UNC5C: variants seen among roughly 807,000 people sequenced by gnomAD.
UNC5C encodes netrin receptor UNC5C.
In UNC5C, 47 loss-of-function variants were observed where a neutral mutation model predicts 99.8. The observed-to-expected ratio is 0.47, with a 90% CI of 0.37 to 0.60. The LOEUF (loss-of-function observed/expected upper bound fraction) is 0.60, where lower values mean the gene tolerates loss of function less well. Among genes scored for constraint, UNC5C ranks in the 20% least tolerant of loss-of-function variants. UNC5C has a pLI of 0.00. For synonymous variants in UNC5C, 487 were observed against 452.2 expected, an observed-to-expected ratio of 1.08 and a Z score of -0.98; for missense variants, 1,062 against 1,165.9, an observed-to-expected ratio of 0.91 and a Z score of 1.30.
At chr4:95,426,849 G>A (rs966431127) in intron 1 of UNC5C, among the ~76,000 whole-genome samples, 1 of 152,162 alleles carries the variant, frequency 6.6e-6, no homozygotes. Context: ...TGAGGTTCAC[G>A]GAAAGAAGTC....
chr4:95,272,058 A>AG (rs34285462), intron 4 of UNC5C, among the ~76,000 whole-genome samples: 97,341 of 151,962 alleles, frequency 0.64, 31,492 homozygotes, highest in East Asian at 0.84. Context: ...CTGTCTCTTC[A>AG]ATAGACTTTC....
chr4:95,454,029 CT>C (rs1747359485), intron 1 of UNC5C, among the ~76,000 whole-genome samples: 1 of 152,032 alleles, frequency 6.6e-6, no homozygotes, highest in South Asian at 2.1e-4. Context: ...GGAGTTACTA[CT>C]TAAAGGGTAG....
intron 1 of UNC5C, among the ~76,000 whole-genome samples, chr4:95,426,884 G>A (rs745335854): frequency 2.6e-5 from 4 of 152,238 alleles, no homozygotes; most frequent in Non-Finnish European, 4.4e-5. Context: ...AAAGTGCAAG[G>A]TGAAACAGCA....
chr4:95,384,227 C>T (rs903591715), intron 1 of UNC5C, among the ~76,000 whole-genome samples: 7 of 152,114 alleles, frequency 4.6e-5, no homozygotes, highest in South Asian at 4.1e-4. Flanking sequence ...ATAACTATTA[C>T]GTGCTAGGTT....
chr4:95,201,166 C>T (rs978310956), intron 12 of UNC5C, among the ~76,000 whole-genome samples: 12 of 152,100 alleles, frequency 7.9e-5, no homozygotes, highest in African/African-American at 2.2e-4. Context: ...CCACCCAGTC[C>T]GTGGTACTTT....
intron 1 of UNC5C, among the ~76,000 whole-genome samples, chr4:95,519,209 G>A (rs1160964894): frequency 6.6e-6 from 1 of 152,060 alleles, no homozygotes; most frequent in Non-Finnish European, 1.5e-5. Context: ...AAAATTCTAG[G>A]GGAGTAGTAA....
intron 1 of UNC5C, among the ~76,000 whole-genome samples, chr4:95,476,782 A>T (rs1454315352): frequency 6.6e-6 from 1 of 151,976 alleles, no homozygotes; most frequent in Non-Finnish European, 1.5e-5. Flanking sequence ...AAACTTCTTA[A>T]CTCTATTAGG....
chr4:95,498,315 C>T (rs935467621), intron 1 of UNC5C, among the ~76,000 whole-genome samples: 1 of 151,820 alleles, frequency 6.6e-6, no homozygotes, highest in Admixed American at 6.6e-5. Flanking sequence ...TATTTTCTAG[C>T]CTCAAATCAG....
At position 95,242,465 on chromosome 4, in the gene UNC5C, G is replaced by C; in HGVS notation, c.1072C>G (p.Gln358Glu). ...GGKDCDGLVL[Q>E]SKNCTDGLCM... ...AGCCCATCAGTGCAGTTCTTGGATT[G>C]CAAGACGAGGCCGTCGCAGTCCTTG... The change falls in exon 7 of 16, where the codon CAA (glutamine) becomes GAA (glutamate). Residue 358 changes from glutamine (Q) to glutamate (E), a missense_variant. By Grantham distance (29) the Gln-to-Glu change is conservative. Transcript: ENST00000453304. 1 of 1,614,000 alleles carries C rather than the reference G, an allele frequency of 6.2e-7. No homozygotes were observed. Among genetic ancestry groups the C allele is most frequent in the South Asian group, 1.1e-5 (1 of 91,078 alleles).
chr4:95,431,779 T>G (rs1014175442), intron 1 of UNC5C, among the ~76,000 whole-genome samples: 2 of 152,130 alleles, frequency 1.3e-5, no homozygotes, highest in African/African-American at 2.4e-5. Context: ...AGAGACATTT[T>G]AATTAACCCC....
intron 11 of UNC5C, among the ~76,000 whole-genome samples, chr4:95,206,295 A>G (rs1241607287): frequency 6.6e-6 from 1 of 151,714 alleles, no homozygotes; most frequent in East Asian, 1.9e-4. Context: ...CACCCCATAT[A>G]CATATATATG....
intron 14 of UNC5C, 89 bp downstream of exon 14, chr4:95,182,808 A>C: frequency 7.1e-7 from 1 of 1,417,668 alleles, no homozygotes; most frequent in East Asian, 2.3e-5. Flanking sequence ...TCCCATATGG[A>C]CTATGTTGAG....
chr4:95,182,976 A>T lies in UNC5C; in HGVS notation c.2372T>A (p.Val791Glu). The T allele has an allele frequency of 6.2e-7, 1 of 1,613,920 alleles. No homozygotes were observed. The highest frequency in any genetic ancestry group is 8.5e-7 in the Non-Finnish European group (1 of 1,179,846). The change falls in exon 14 of 16, where the codon GTG becomes GAG. Residue 791 changes from valine (V) to glutamate (E), a missense_variant. Around this residue, in one of 3 missense-constraint regions of UNC5C, gnomAD observed 810 missense variants for 854.5 expected, o/e 0.95. Transcript: ENST00000453304. ...FTLERFSLNT[V>E]ELVCKLCVRQ... ...CACACAGAGTTTGCAAACCAGCTCC[A>T]CTGTGTTCAGGCTAAATCTTTCCAG...
chr4:95,181,768 GGAAA>G (rs1736622249), intron 14 of UNC5C, among the ~76,000 whole-genome samples: 1 of 152,170 alleles, frequency 6.6e-6, no homozygotes, highest in African/African-American at 2.4e-5. Context: ...GCAGGCTGTG[GGAAA>G]GAAAGAAGGA....
At chr4:95,299,825 C>G (rs1003043530) in intron 3 of UNC5C, among the ~76,000 whole-genome samples, 2 of 152,162 alleles carry the variant, frequency 1.3e-5, no homozygotes, top group Admixed American at 6.5e-5. Flanking sequence ...GGGATGATTA[C>G]AATTCAAGGT....
chr4:95,346,521 C>A (rs1389061686), intron 1 of UNC5C, among the ~76,000 whole-genome samples: 1 of 151,864 alleles, frequency 6.6e-6, no homozygotes, highest in African/African-American at 2.4e-5. Flanking sequence ...AACATTGGCA[C>A]AAAAATCATC....
At chr4:95,215,785 A>G (rs1738225697) in intron 10 of UNC5C, among the ~76,000 whole-genome samples, 1 of 152,142 alleles carries the variant, frequency 6.6e-6, no homozygotes, top group Non-Finnish European at 1.5e-5. Context: ...TGGATTCCTG[A>G]GCCAGATGCC....
intron 1 of UNC5C, among the ~76,000 whole-genome samples, chr4:95,378,463 G>T (rs1744961932): frequency 6.6e-6 from 1 of 152,222 alleles, no homozygotes; most frequent in Non-Finnish European, 1.5e-5. Context: ...TAAGAAAAGA[G>T]TCGGACTTTT....
At chr4:95,514,567 A>G (rs1389665484) in intron 1 of UNC5C, among the ~76,000 whole-genome samples, 1 of 150,926 alleles carries the variant, frequency 6.6e-6, no homozygotes, top group Non-Finnish European at 1.5e-5. Context: ...CTTTCTATAT[A>G]TCTCTTTAGT....
Sources: allele counts gnomAD v4.1 joint callset (sites outside exome capture counted in the v4.1 genomes callset), GRCh38; gene constraint gnomAD v4.1.1; regional missense constraint gnomAD v4.1.1; transcripts MANE v1.5; gene names NCBI Gene and HGNC (gene_info 2026-07-23, HGNC 2026-07-21).